CYP46A1: variants seen among roughly 807,000 people sequenced by gnomAD.
The protein encoded by CYP46A1 is cytochrome P450 family 46 subfamily A member 1.
In CYP46A1, 20 loss-of-function variants were observed where a neutral mutation model predicts 63.3. The ratio of observed to expected loss-of-function variants is 0.32; its 90% CI spans 0.22 to 0.46. The LOEUF (loss-of-function observed/expected upper bound fraction) is 0.46. CYP46A1 is among the 20% of genes least tolerant of loss of function. The pLI, the probability that CYP46A1 is intolerant of heterozygous loss-of-function variation, is 1.00. For missense variants in CYP46A1, 445 were observed against 670.8 expected (o/e 0.66, Z 3.72); for synonymous variants, 268 against 273.6 (o/e 0.98, Z 0.20).
chr14:99,692,873 A>T (rs945991807), intron 3 of CYP46A1, among the ~76,000 whole-genome samples: 8 of 152,128 alleles, frequency 5.3e-5, no homozygotes, highest in African/African-American at 1.9e-4. Flanking sequence ...GAACCAAGGC[A>T]GGTGGCATTG....
In CYP46A1 at chr14:99,725,974, C is replaced by T. The variant is rs1338129495; in HGVS notation, c.1266-216C>T. On this transcript the variant is annotated intron_variant, in intron 13 of 14. Transcript: ENST00000261835. The surrounding 1 kb of genome is among the most constrained non-coding windows in gnomAD (Gnocchi z 4.2). ...AGTTTCTCCATCTGTGAAATGGGGA[C>T]AACAGCAGTTCCTTCCAGGAGGGTA... Among the ~76,000 whole-genome samples, 3 of 152,174 alleles carry T rather than the reference C, an allele frequency of 2.0e-5. No homozygotes were observed. Among genetic ancestry groups the T allele is most frequent in the Non-Finnish European group, 4.4e-5 (3 of 68,026 alleles).
chr14:99,722,982 A>T lies in CYP46A1; in HGVS notation c.1176+916A>T. Reference sequence around the variant, plus strand: ...GTTCAGCTTTACAAACGAACGCCACATTGTTTTCCAAAGTGGCTGCACCAA... The same window carrying T: ...GTTCAGCTTTACAAACGAACGCCACTTTGTTTTCCAAAGTGGCTGCACCAA... On this transcript the variant is annotated intron_variant, in intron 12 of 14. Coordinates refer to ENST00000261835, the MANE Select transcript of CYP46A1 (RefSeq NM_006668.2). The surrounding 1 kb of genome is among the most constrained non-coding windows in gnomAD (Gnocchi z 4.6). 1 of 429,980 alleles carries T rather than the reference A, an allele frequency of 2.3e-6. No homozygotes were observed. Among genetic ancestry groups the T allele is most frequent in the Non-Finnish European group, 4.8e-6 (1 of 207,886 alleles). 26.6% of individuals were successfully genotyped at this position (429,980 alleles called of 1,614,324 possible).
At chr14:99,724,457 T>A (rs185498237) in intron 12 of CYP46A1, among the ~76,000 whole-genome samples, 1 of 152,256 alleles carries the variant, frequency 6.6e-6, no homozygotes, top group East Asian at 1.9e-4. Context: ...TTAACAGCCA[T>A]CTCCTTAGAT....
Position 99,726,802 on chromosome 14 carries a change from C to T in CYP46A1, c.*75C>T. 8.0e-7 allele frequency: 1 copy of T among 1,253,178 alleles called. No individual in the cohort carries two copies. The highest frequency in any genetic ancestry group is 1.1e-6 in the Non-Finnish European group (1 of 935,190). The allele number at this position is 1,253,178 out of a possible 1,614,324, so 77.6% of individuals were successfully genotyped here. On this transcript the variant is annotated 3_prime_UTR_variant, in exon 15 of 15. Coordinates refer to ENST00000261835, the MANE Select transcript of CYP46A1 (RefSeq NM_006668.2). ...CACCTCTGCTGCCCACGGCCACCCACCCTTCTCCCCTGCCCCGTCCCCTGG... is the reference window on the plus strand; with the variant it reads ...CACCTCTGCTGCCCACGGCCACCCATCCTTCTCCCCTGCCCCGTCCCCTGG...
In CYP46A1 at chr14:99,726,302, G is replaced by C. The variant is rs374809700; in HGVS notation, c.1332+46G>C. 4.4e-6 allele frequency: 7 copies of C among 1,589,238 alleles called. No individual in the cohort carries two copies. In the African/African-American group the frequency reaches 8.1e-5, roughly 18 times the overall value. On this transcript the variant is annotated intron_variant, in intron 14 of 14. Coordinates refer to ENST00000261835, the MANE Select transcript of CYP46A1 (RefSeq NM_006668.2). The stretch of plus-strand genomic sequence containing the variant: ...GTTCTGCCCAGGAGTAGCTGCAGGG[G>C]TGGGGGCTCATCCTGAGCCGGGAAG...
intron 7 of CYP46A1, chr14:99,707,924 G>C: frequency 2.1e-6 from 1 of 479,386 alleles, no homozygotes. Flanking sequence ...AGCAGGCAAT[G>C]TAGGATGACT....
chr14:99,708,002 A>T (rs1595195440), intron 7 of CYP46A1: 1 of 316,424 alleles, frequency 3.2e-6, no homozygotes, highest in African/African-American at 2.2e-5. Flanking sequence ...TCAGCACATC[A>T]CCTCATTGTC....
intron 1 of CYP46A1, among the ~76,000 whole-genome samples, chr14:99,688,704 A>G (rs1006016484): frequency 5.3e-5 from 8 of 151,952 alleles, no homozygotes; most frequent in African/African-American, 9.7e-5. Context: ...GCCGCCCCCT[A>G]TGGTAACCCA....
At chr14:99,721,409 T>C (rs1251238642) in intron 11 of CYP46A1, 86 bp downstream of exon 11, 4 of 984,304 alleles carry the variant, frequency 4.1e-6, no homozygotes, top group Non-Finnish European at 6.5e-6. Flanking sequence ...TTCAGGACAG[T>C]GGTTCTCAAA....
At chr14:99,686,427 C>A (rs1190694226) in intron 1 of CYP46A1, among the ~76,000 whole-genome samples, 1 of 152,162 alleles carries the variant, frequency 6.6e-6, no homozygotes, top group East Asian at 1.9e-4. Context: ...CAGCACTGTG[C>A]AGCCATCGCC....
At chr14:99,691,022 G>T in intron 1 of CYP46A1, 59 bp from the exon 2 acceptor site, 3 of 1,522,984 alleles carry the variant, frequency 2.0e-6, no homozygotes, top group Non-Finnish European at 2.7e-6. Flanking sequence ...ATCTTGTGGG[G>T]AAGGGAGCGT....
chr14:99,721,323 G>A lies in CYP46A1; in HGVS notation c.1065G>A (p.Gln355=). The change falls in exon 11 of 15, where the codon CAG becomes CAA. Residue 355 remains glutamine, a splice_region_variant and synonymous_variant. Transcript: ENST00000261835. ...TGGGGAGACTGCAGTACCTGTCCCAGGTGTGGGAAGTAGGAGGGAAGCTTC... is the reference window on the plus strand; with the variant it reads ...TGGGGAGACTGCAGTACCTGTCCCAAGTGTGGGAAGTAGGAGGGAAGCTTC... ...EDLGRLQYLS[Q]VLKESLRLYP... 6.2e-7 allele frequency: 1 copy of A among 1,605,164 alleles called. No individual in the cohort carries two copies.
In CYP46A1 at chr14:99,698,480, G is replaced by A. The variant is rs569954326; in HGVS notation, c.283-986G>A. Among the ~76,000 whole-genome samples, 11 of 152,324 alleles carry A rather than the reference G, an allele frequency of 7.2e-5. No homozygotes were observed. In the East Asian group the frequency reaches 1.2e-3, roughly 16 times the overall value. ...CAGCCAGGTGTGGTGGCTCACACCT[G>A]TAATCTCAGCAACTTGGGTTGACTG... On this transcript the variant is annotated intron_variant, in intron 3 of 14. Coordinates refer to ENST00000261835, the MANE Select transcript of CYP46A1 (RefSeq NM_006668.2).
At position 99,722,710 on chromosome 14, in the gene CYP46A1, A is replaced by G. The variant is rs1164043502; in HGVS notation, c.1176+644A>G. Among the ~76,000 whole-genome samples, 1 of 145,660 alleles carries G rather than the reference A, an allele frequency of 6.9e-6. No homozygotes were observed. The highest frequency in any genetic ancestry group is 1.5e-5 in the Non-Finnish European group (1 of 66,366). Reference sequence around the variant, plus strand: ...GTGCATTCACGCAGTAATATATTGTAGGACTTGTTTTTTGACTCAGTATAA... The same window carrying G: ...GTGCATTCACGCAGTAATATATTGTGGGACTTGTTTTTTGACTCAGTATAA... On this transcript the variant is annotated intron_variant, in intron 12 of 14. Coordinates refer to ENST00000261835, the MANE Select transcript of CYP46A1 (RefSeq NM_006668.2). This position sits in a 1 kb window ranked among gnomAD's most constrained non-coding sequence, Gnocchi z 4.6.
intron 10 of CYP46A1, among the ~76,000 whole-genome samples, chr14:99,719,378 A>ATTTTTTTTTTTTTTTTTTT (rs55679517): frequency 5.6e-5 from 8 of 142,556 alleles, no homozygotes; most frequent in African/African-American, 2.1e-4. Context: ...CACCTGGCTA[A>ATTTTTTTTTTTTTTTTTTT]TTTTTTTTTT....
intron 12 of CYP46A1, among the ~76,000 whole-genome samples, chr14:99,723,399 C>G (rs2056867204): frequency 6.6e-6 from 1 of 152,226 alleles, no homozygotes; most frequent in African/African-American, 2.4e-5. Flanking sequence ...ACCTCTGCCT[C>G]CCGGGTTCAA....
intron 7 of CYP46A1, chr14:99,710,014 G>C (rs897050665): frequency 3.8e-4 from 58 of 152,222 alleles, no homozygotes; most frequent in African/African-American, 1.3e-3. Flanking sequence ...AATAAAGTCT[G>C]TCCCAAACAA....
chr14:99,726,150 C>A (rs921754192), intron 13 of CYP46A1, 40 bp from the exon 14 acceptor site: 10 of 1,579,074 alleles, frequency 6.3e-6, no homozygotes, highest in Non-Finnish European at 8.7e-6. Flanking sequence ...GTGGGGACGC[C>A]TGGGGCTGCT....
At chr14:99,695,550 C>CCTG in intron 3 of CYP46A1, 1 of 249,198 alleles carries the variant, frequency 4.0e-6, no homozygotes, top group Non-Finnish European at 8.4e-6. Flanking sequence ...CATCTTTATT[C>CCTG]TTAATAACAT....
Sources: gnomAD v4.1 joint callset for allele counts (sites outside exome capture counted in the v4.1 genomes callset) on GRCh38, gnomAD v4.1.1 for gene constraint, Gnocchi (gnomAD v3.1) non-coding constraint, MANE v1.5 for transcripts, NCBI Gene and HGNC (gene_info 2026-07-23, HGNC 2026-07-21) for gene names.